SLC44A5: variants seen among roughly 807,000 people sequenced by gnomAD.
SLC44A5 encodes the protein choline transporter-like protein 5.
SLC44A5 carries 57 observed loss-of-function variants against 101.8 expected under a neutral mutation model. The ratio of observed to expected loss-of-function variants is 0.56; its 90% CI spans 0.45 to 0.70. The LOEUF is 0.70. Among genes scored for constraint, SLC44A5 ranks in the 30% least tolerant of loss-of-function variants. SLC44A5 has a pLI of 0.00. For synonymous variants in SLC44A5, 281 were observed against 290.9 expected (o/e 0.97, Z 0.35); for missense variants, 737 against 853.1 (o/e 0.86, Z 1.70).
intron 4 of SLC44A5, among the ~76,000 whole-genome samples, chr1:75,303,639 T>C (rs1018331896): frequency 2.0e-5 from 3 of 152,230 alleles, no homozygotes; most frequent in African/African-American, 7.2e-5. Flanking sequence ...ATAATTTATT[T>C]TTTATTCTTT....
At chr1:75,722,631 C>G in the SLC44A5 span, among the ~76,000 whole-genome samples, 1 of 152,128 alleles carries the variant, frequency 6.6e-6, no homozygotes, top group Non-Finnish European at 1.5e-5. Context: ...CTCCTGTTAC[C>G]CAAAAAATAG....
intron 23 of SLC44A5, among the ~76,000 whole-genome samples, chr1:75,210,882 C>A (rs1002180434): frequency 1.3e-5 from 2 of 152,028 alleles, no homozygotes; most frequent in African/African-American, 4.8e-5. Context: ...TTTTATCCAA[C>A]TTTATTGAGA....
At chr1:75,681,289 G>A in the SLC44A5 span, among the ~76,000 whole-genome samples, 2 of 152,106 alleles carry the variant, frequency 1.3e-5, no homozygotes, top group Non-Finnish European at 2.9e-5. Context: ...CCAAAGCCGG[G>A]CAGAGACACA....
chr1:75,600,353 G>A (rs1674898814), intron 1 of SLC44A5, among the ~76,000 whole-genome samples: 1 of 152,142 alleles, frequency 6.6e-6, no homozygotes, highest in South Asian at 2.1e-4. Flanking sequence ...AGTTAGAACA[G>A]TAGGACCACT....
At chr1:75,436,734 A>T (rs147336643) in intron 2 of SLC44A5, among the ~76,000 whole-genome samples, 1,547 of 152,272 alleles carry the variant, frequency 0.01, 22 homozygotes, top group Admixed American at 0.012. Context: ...TAATATTTTA[A>T]ATGTTTTGAC....
At chr1:75,236,936 G>T in intron 11 of SLC44A5, 51 bp downstream of exon 11, 1 of 1,001,934 alleles carries the variant, frequency 1.0e-6, no homozygotes, top group Non-Finnish European at 1.5e-6. Context: ...GTTCTACAAA[G>T]ATAAAATCAG....
chr1:75,327,365 T>C (rs1241869565), intron 4 of SLC44A5, among the ~76,000 whole-genome samples: 1 of 152,208 alleles, frequency 6.6e-6, no homozygotes, highest in Non-Finnish European at 1.5e-5. Context: ...AACTGAAATC[T>C]AAATGACAAT....
At chr1:75,278,497 A>G (rs1330176628) in intron 5 of SLC44A5, among the ~76,000 whole-genome samples, 1 of 152,166 alleles carries the variant, frequency 6.6e-6, no homozygotes, top group Middle Eastern at 3.2e-3. Context: ...TCCTTGTACA[A>G]TCTTGAAATA....
intron 4 of SLC44A5, among the ~76,000 whole-genome samples, chr1:75,320,908 C>T (rs1656091174): frequency 6.6e-6 from 1 of 152,048 alleles, no homozygotes; most frequent in Non-Finnish European, 1.5e-5. Context: ...TGATACATGA[C>T]CGTGTTTCAG....
chr1:75,568,109 T>C (rs1309011116), intron 1 of SLC44A5, among the ~76,000 whole-genome samples: 2 of 152,194 alleles, frequency 1.3e-5, no homozygotes, highest in African/African-American at 4.8e-5. Context: ...TTTTTTTCCA[T>C]GCAAGAAGTC....
chr1:75,636,963 T>C, the SLC44A5 span, among the ~76,000 whole-genome samples: 1 of 152,080 alleles, frequency 6.6e-6, no homozygotes, highest in East Asian at 1.9e-4. Context: ...TTAGTAGATT[T>C]ATTATAAAGA....
At chr1:75,237,106 TGATGA>T in intron 10 of SLC44A5, 36 bp from the exon 11 acceptor site, 2 of 1,244,578 alleles carry the variant, frequency 1.6e-6, no homozygotes, top group Non-Finnish European at 2.3e-6. Flanking sequence ...AATTATTTTT[TGATGA>T]CCACTAAACA....
At chr1:75,479,668 C>T (rs1356729988) in intron 2 of SLC44A5, among the ~76,000 whole-genome samples, 202 of 130,054 alleles carry the variant, frequency 1.6e-3, no homozygotes, top group African/African-American at 3.8e-3. Flanking sequence ...GGATAAATTC[C>T]TTGACACATA....
At chr1:75,340,358 T>TGC (rs574678155) in intron 3 of SLC44A5, among the ~76,000 whole-genome samples, 24 of 152,210 alleles carry the variant, frequency 1.6e-4, no homozygotes, top group African/African-American at 5.5e-4. Flanking sequence ...GCCAAGGGTG[T>TGC]GCATTTTGCA....
intron 1 of SLC44A5, among the ~76,000 whole-genome samples, chr1:75,599,957 G>T (rs1353882453): frequency 6.6e-6 from 1 of 152,154 alleles, no homozygotes; most frequent in Non-Finnish European, 1.5e-5. Flanking sequence ...GATGTGAAAT[G>T]ACCAGATTTG....
the SLC44A5 span, among the ~76,000 whole-genome samples, chr1:75,695,156 C>T: frequency 2.0e-5 from 3 of 152,106 alleles, no homozygotes; most frequent in African/African-American, 4.8e-5. Context: ...GTGGATATAA[C>T]CACCATCTCT....
At chr1:75,211,400 A>G (rs1261124622) in intron 23 of SLC44A5, 68 bp downstream of exon 23, 4 of 1,241,756 alleles carry the variant, frequency 3.2e-6, no homozygotes, top group Admixed American at 1.8e-5. Context: ...AGCTAAGGAC[A>G]TGGGCCTTCA....
the SLC44A5 span, among the ~76,000 whole-genome samples, chr1:75,658,940 A>G: frequency 6.6e-6 from 1 of 152,192 alleles, no homozygotes; most frequent in African/African-American, 2.4e-5. Flanking sequence ...TGAAAAAGGA[A>G]ATATTACAAC....
chr1:75,362,283 G>A (rs1476726925), intron 3 of SLC44A5, among the ~76,000 whole-genome samples: 2 of 150,462 alleles, frequency 1.3e-5, no homozygotes, highest in Admixed American at 6.6e-5. Flanking sequence ...TTCTAGTCTC[G>A]CATTTATTTA....
Sources: allele counts gnomAD v4.1 joint callset (sites outside exome capture counted in the v4.1 genomes callset), GRCh38; gene constraint gnomAD v4.1.1; transcripts MANE v1.5; gene names NCBI Gene and HGNC (gene_info 2026-07-23, HGNC 2026-07-21).